Variants in CACNA2D4 observed in about 807,000 individuals in gnomAD.
The protein encoded by CACNA2D4 is voltage-dependent calcium channel subunit alpha-2/delta-4.
CACNA2D4 carries 157 observed loss-of-function variants against 163.8 expected under a neutral mutation model. The ratio of observed to expected loss-of-function variants is 0.96; its 90% CI spans 0.84 to 1.09. CACNA2D4 has a LOEUF of 1.09. Among genes scored for constraint, CACNA2D4 ranks in the 50% least tolerant of loss-of-function variants. CACNA2D4 has a pLI of 0.00. For synonymous variants in CACNA2D4, 598 were observed against 586.9 expected, an observed-to-expected ratio of 1.02 and a Z score of -0.27; for missense variants, 1,410 against 1,479.9, an observed-to-expected ratio of 0.95 and a Z score of 0.78.
chr12:1,863,935 A>C (rs1043329300), intron 18 of CACNA2D4, among the ~76,000 whole-genome samples: 1 of 152,192 alleles, frequency 6.6e-6, no homozygotes, highest in African/African-American at 2.4e-5. Flanking sequence ...TTCATATTTT[A>C]AAAAGTGCCA....
intron 24 of CACNA2D4, among the ~76,000 whole-genome samples, chr12:1,845,387 G>A (rs574720696): frequency 2.6e-5 from 4 of 151,872 alleles, no homozygotes; most frequent in South Asian, 2.1e-4. Flanking sequence ...AGGGATGGGT[G>A]GGGGGGAGGA....
At position 1,838,268 on chromosome 12, in the gene CACNA2D4, A is replaced by G. The variant is rs188787933; in HGVS notation, c.2551+2471T>C. Among the ~76,000 whole-genome samples the G allele has an allele frequency of 8.7e-4, 133 of 152,238 alleles. 1 individual carries two copies. The highest frequency in any genetic ancestry group is 4.8e-3 in the Admixed American group (74 of 15,300). Reference sequence around the variant, plus strand: ...ACACGGCAGTGACGCGCAGCCCGCCACTGCCCCCGTGGCTGGGCTGAGTGC... The same window carrying G: ...ACACGGCAGTGACGCGCAGCCCGCCGCTGCCCCCGTGGCTGGGCTGAGTGC... On this transcript the variant is annotated intron_variant, in intron 26 of 37. Transcript: ENST00000382722.
At chr12:1,901,690 T>A (rs952883255) in intron 6 of CACNA2D4, among the ~76,000 whole-genome samples, 11 of 152,034 alleles carry the variant, frequency 7.2e-5, no homozygotes, top group Non-Finnish European at 1.5e-4. Context: ...GCTATTGAAG[T>A]CATTATAAAA....
chr12:1,908,041 G>A lies in CACNA2D4; in HGVS notation c.487-4C>T, dbSNP rs60194757. 2.1e-3 allele frequency: 3,377 copies of A among 1,607,862 alleles called. 51 individuals carry two copies. In the African/African-American group the frequency reaches 0.034, roughly 16 times the overall value. ...GGACCGAGTTGTAATAGTCGAACTG[G>A]GGTGGACGGGTGAGGCCCACGGAGG... On this transcript the variant is annotated splice_polypyrimidine_tract_variant and splice_region_variant and intron_variant, in intron 4 of 37. Coordinates refer to ENST00000382722, the MANE Select transcript of CACNA2D4 (RefSeq NM_172364.5).
intron 3 of CACNA2D4, among the ~76,000 whole-genome samples, chr12:1,910,658 A>G (rs1425109386): frequency 2.0e-5 from 3 of 152,252 alleles, no homozygotes; most frequent in Admixed American, 6.5e-5. Flanking sequence ...ACAATGGAAT[A>G]TTATGCAGCC....
chr12:1,870,128 C>G (rs960040011), intron 18 of CACNA2D4, among the ~76,000 whole-genome samples: 3 of 152,150 alleles, frequency 2.0e-5, no homozygotes, highest in Non-Finnish European at 4.4e-5. Context: ...TCTGTGCTTT[C>G]AAAGGAAATC....
Position 1,907,868 on chromosome 12 carries a change from C to G in CACNA2D4, c.649+7G>C. The G allele has an allele frequency of 6.8e-6, 11 of 1,613,864 alleles. No individual in the cohort carries two copies. Among genetic ancestry groups the G allele is most frequent in the Non-Finnish European group, 9.3e-6 (11 of 1,179,844 alleles). Reference sequence around the variant, plus strand: ...GTGAGTGTGCCTGAGCTGAGCGTGCCGGCTACCTTTGTTGTACACGTTGGT... The same window carrying G: ...GTGAGTGTGCCTGAGCTGAGCGTGCGGGCTACCTTTGTTGTACACGTTGGT... On this transcript the variant is annotated splice_region_variant and intron_variant, in intron 5 of 37. Transcript: ENST00000382722.
At chr12:1,916,786 G>A (rs1264367478) in intron 1 of CACNA2D4, among the ~76,000 whole-genome samples, 1 of 152,222 alleles carries the variant, frequency 6.6e-6, no homozygotes, top group Non-Finnish European at 1.5e-5. Context: ...TTGGGAGGAG[G>A]TGGAAGCCCG....
intron 18 of CACNA2D4, among the ~76,000 whole-genome samples, chr12:1,870,643 A>C (rs997015680): frequency 1.7e-4 from 26 of 151,478 alleles, no homozygotes; most frequent in Non-Finnish European, 3.2e-4. Flanking sequence ...TTTTGTTCAG[A>C]GTTTATAATT....
intron 6 of CACNA2D4, among the ~76,000 whole-genome samples, chr12:1,894,440 G>C (rs1866355392): frequency 6.6e-6 from 1 of 152,014 alleles, no homozygotes; most frequent in Non-Finnish European, 1.5e-5. Flanking sequence ...AACAACAAAA[G>C]AAAACTACAG....
Position 1,833,408 on chromosome 12 carries a change from C to T in CACNA2D4, c.2551+7331G>A, listed in dbSNP as rs1864716519. 6.6e-6 allele frequency among the ~76,000 whole-genome samples: 1 copy of T among 152,156 alleles called. No homozygotes were observed. The highest frequency in any genetic ancestry group is 1.5e-5 in the Non-Finnish European group (1 of 68,036). ...ATTATTGTCCTCAACCACCTTCTCT[C>T]TCACCCCAGCCCTGTCCTGCATCTG... On this transcript the variant is annotated intron_variant, in intron 26 of 37. Coordinates refer to ENST00000382722, the MANE Select transcript of CACNA2D4 (RefSeq NM_172364.5). The surrounding 1 kb of genome is among the most constrained non-coding windows in gnomAD (Gnocchi z 4.2).
At chr12:1,823,052 A>G (rs1260543796) in intron 26 of CACNA2D4, among the ~76,000 whole-genome samples, 2 of 152,016 alleles carry the variant, frequency 1.3e-5, no homozygotes, top group Non-Finnish European at 2.9e-5. Context: ...TGCCCCCTTT[A>G]CCCCTGAGTT....
chr12:1,803,274 A>ATGGATGGGTC (rs1863400177), intron 29 of CACNA2D4, among the ~76,000 whole-genome samples: 1 of 152,232 alleles, frequency 6.6e-6, no homozygotes, highest in East Asian at 1.9e-4. Context: ...CAGAACGCAC[A>ATGGATGGGTC]ACTCCTGAAC....
At chr12:1,864,575 G>A (rs1592719193) in intron 18 of CACNA2D4, among the ~76,000 whole-genome samples, 1 of 152,306 alleles carries the variant, frequency 6.6e-6, no homozygotes, top group Middle Eastern at 3.4e-3. Flanking sequence ...GCCTGCTGCC[G>A]TGCGGGTGAC....
chr12:1,858,374 A>T (rs3815324), intron 20 of CACNA2D4, among the ~76,000 whole-genome samples: 13,424 of 152,158 alleles, frequency 0.088, 1,225 homozygotes, highest in East Asian at 0.43. Context: ...GTTTGACGAC[A>T]GACCCACAGA....
At chr12:1,854,645 A>G (rs1207065226) in intron 22 of CACNA2D4, among the ~76,000 whole-genome samples, 1 of 152,094 alleles carries the variant, frequency 6.6e-6, no homozygotes, top group Non-Finnish European at 1.5e-5. Context: ...ACCTCAAGTG[A>G]TCTGCCCACC....
At position 1,847,687 on chromosome 12, in the gene CACNA2D4, G is replaced by A. The variant is rs889521692; in HGVS notation, c.2247-998C>T. 9.2e-5 allele frequency among the ~76,000 whole-genome samples: 14 copies of A among 152,282 alleles called. No individual in the cohort carries two copies. The South Asian group carries it at 2.1e-3, about 23-fold the overall frequency. On this transcript the variant is annotated intron_variant, in intron 23 of 37. Transcript: ENST00000382722. ...TCCTGATTCAATTCTCTGTGTAAAA[G>A]CAGAGAGAATGGGCTAATGGGTCTC... is the stretch of plus-strand genomic sequence containing the variant.
intron 1 of CACNA2D4, 139 bp downstream of exon 1, chr12:1,918,108 T>C (rs971499999): frequency 2.5e-5 from 17 of 669,136 alleles, no homozygotes; most frequent in Admixed American, 5.9e-5. Flanking sequence ...AGCAAGAGAG[T>C]GGTCAGTCGC....
intron 23 of CACNA2D4, among the ~76,000 whole-genome samples, chr12:1,849,783 C>A (rs758163): frequency 0.73 from 111,122 of 152,066 alleles, 41,185 homozygotes; most frequent in Non-Finnish European, 0.79. Flanking sequence ...TTATATGTAC[C>A]TTTGTGAAAG....
Sources: gnomAD v4.1 joint callset for allele counts (sites outside exome capture counted in the v4.1 genomes callset) on GRCh38, gnomAD v4.1.1 for gene constraint, Gnocchi (gnomAD v3.1) non-coding constraint, MANE v1.5 for transcripts, NCBI Gene and HGNC (gene_info 2026-07-23, HGNC 2026-07-21) for gene names.